The following USH2A variants were observed in gnomAD, a reference collection of about 807,000 sequenced individuals.
The protein encoded by USH2A is Usher syndrome 2A (autosomal recessive, mild).
In USH2A, 443 loss-of-function variants were observed where a neutral mutation model predicts 538.9. The observed-to-expected ratio is 0.82, with a 90% CI of 0.76 to 0.89. USH2A has a LOEUF of 0.89. Ranked by LOEUF, USH2A falls within the 40% of genes least tolerant of loss-of-function variation. The pLI is 0.00. For synonymous variants in USH2A, 2,413 were observed against 2,273.5 expected (o/e 1.06, Z -1.75); for missense variants, 6,633 against 6,324.8 (o/e 1.05, Z -1.65).
At chr1:216,152,064 G>C (rs1201326052) in intron 21 of USH2A, among the ~76,000 whole-genome samples, 2 of 151,942 alleles carry the variant, frequency 1.3e-5, no homozygotes, top group South Asian at 4.2e-4. Flanking sequence ...TCCCACTCTA[G>C]GTTCCCACGC....
At chr1:216,128,603 A>T (rs944278609) in intron 21 of USH2A, among the ~76,000 whole-genome samples, 41 of 151,940 alleles carry the variant, frequency 2.7e-4, no homozygotes, top group Admixed American at 8.5e-4. Flanking sequence ...AAATTGTAAA[A>T]TTTTTAATTT....
At chr1:216,289,524 G>T in intron 10 of USH2A, 114 bp from the exon 11 acceptor site, 1 of 1,386,196 alleles carries the variant, frequency 7.2e-7, no homozygotes, top group African/African-American at 1.4e-5. Context: ...CGGAACGTCC[G>T]TTTTAATGCA....
chr1:215,862,954 AT>A (rs1327522071), intron 44 of USH2A, among the ~76,000 whole-genome samples: 8 of 152,296 alleles, frequency 5.3e-5, no homozygotes, highest in African/African-American at 1.9e-4. Flanking sequence ...CATTTTTGTA[AT>A]TAGAAGAATT....
intron 49 of USH2A, among the ~76,000 whole-genome samples, chr1:215,810,526 T>C (rs1225352070): frequency 5.9e-5 from 9 of 152,130 alleles, no homozygotes; most frequent in Admixed American, 5.9e-4. Context: ...AATCATAACA[T>C]AAAAATTTTA....
At chr1:216,314,204 A>G (rs934097790) in intron 9 of USH2A, among the ~76,000 whole-genome samples, 1 of 152,064 alleles carries the variant, frequency 6.6e-6, no homozygotes, top group African/African-American at 2.4e-5. Flanking sequence ...ATTTATCTCC[A>G]TGCTCATAAC....
At chr1:216,017,404 A>G (rs1459283076) in intron 32 of USH2A, among the ~76,000 whole-genome samples, 1 of 152,228 alleles carries the variant, frequency 6.6e-6, no homozygotes, top group Non-Finnish European at 1.5e-5. Flanking sequence ...ATAACTTTAT[A>G]GAGTTATTAT....
At chr1:215,952,010 G>A (rs1472750294) in intron 37 of USH2A, among the ~76,000 whole-genome samples, 2 of 150,938 alleles carry the variant, frequency 1.3e-5, no homozygotes, top group African/African-American at 4.9e-5. Context: ...GACTACAGGC[G>A]CCCGCCACCG....
intron 46 of USH2A, among the ~76,000 whole-genome samples, chr1:215,838,832 T>C (rs538186891): frequency 7.2e-5 from 11 of 152,190 alleles, no homozygotes; most frequent in South Asian, 2.1e-4. Flanking sequence ...AGCGATATCA[T>C]TCTGCTCTCA....
At chr1:215,999,340 T>C (rs542091724) in intron 33 of USH2A, among the ~76,000 whole-genome samples, 1 of 152,248 alleles carries the variant, frequency 6.6e-6, no homozygotes, top group South Asian at 2.1e-4. Flanking sequence ...ATTTAAGCTG[T>C]AGAACAAAAA....
intron 38 of USH2A, among the ~76,000 whole-genome samples, chr1:215,912,183 T>A (rs1404728510): frequency 6.6e-6 from 1 of 152,000 alleles, no homozygotes; most frequent in Non-Finnish European, 1.5e-5. Context: ...TCCTTTGCTG[T>A]ACAGAAGATT....
At chr1:216,341,176 T>A (rs1179746320) in intron 4 of USH2A, among the ~76,000 whole-genome samples, 3 of 152,006 alleles carry the variant, frequency 2.0e-5, no homozygotes, top group African/African-American at 7.2e-5. Flanking sequence ...TGTGCAAAGA[T>A]CACAAGCATT....
chr1:216,082,554 T>G (rs568974707), intron 26 of USH2A, among the ~76,000 whole-genome samples: 107 of 151,862 alleles, frequency 7.0e-4, no homozygotes, highest in Non-Finnish European at 1.1e-3. Context: ...AATCTAAGGG[T>G]AAGATGTTCA....
intron 35 of USH2A, among the ~76,000 whole-genome samples, chr1:215,984,240 A>AT (rs1250876548): frequency 6.6e-6 from 1 of 152,214 alleles, no homozygotes; most frequent in Non-Finnish European, 1.5e-5. Context: ...ACCATATTGT[A>AT]TTTTTTCAGG....
intron 4 of USH2A, among the ~76,000 whole-genome samples, chr1:216,349,641 G>A (rs1020801177): frequency 3.3e-5 from 5 of 152,100 alleles, no homozygotes; most frequent in African/African-American, 7.2e-5. Flanking sequence ...GGAAGTTACC[G>A]TATATGGCCT....
intron 9 of USH2A, among the ~76,000 whole-genome samples, chr1:216,296,801 T>C (rs564696743): frequency 1.3e-5 from 2 of 152,064 alleles, no homozygotes; most frequent in South Asian, 2.1e-4. Flanking sequence ...AGTGGGGAAA[T>C]TGACCTCTTT....
chr1:216,173,383 A>G (rs2034309505), intron 21 of USH2A, among the ~76,000 whole-genome samples: 1 of 152,182 alleles, frequency 6.6e-6, no homozygotes. Flanking sequence ...ATGTCCCAGA[A>G]CATGCCTGAA....
chr1:215,652,502 G>C (rs1019299612), intron 64 of USH2A, among the ~76,000 whole-genome samples: 3 of 152,184 alleles, frequency 2.0e-5, no homozygotes, highest in African/African-American at 7.2e-5. Context: ...AGCTAGCAAT[G>C]GGAGAGCCAG....
chr1:216,019,010 A>C (rs1252648340), intron 32 of USH2A, among the ~76,000 whole-genome samples: 1 of 152,154 alleles, frequency 6.6e-6, no homozygotes, highest in Non-Finnish European at 1.5e-5. Context: ...GCTATAAAGT[A>C]TTTTGTTCTA....
At chr1:215,770,942 TAAAAAAAAAAA>T (rs59409812) in intron 55 of USH2A, among the ~76,000 whole-genome samples, 1 of 65,870 alleles carries the variant, frequency 1.5e-5, no homozygotes, top group Non-Finnish European at 2.9e-5. Flanking sequence ...CCGTCTCTAC[TAAAAAAAAAAA>T]AAAAAAAAAA....
Sources: gnomAD v4.1 joint callset for allele counts (sites outside exome capture counted in the v4.1 genomes callset) on GRCh38, gnomAD v4.1.1 for gene constraint, MANE v1.5 for transcripts, NCBI Gene and HGNC (gene_info 2026-07-23, HGNC 2026-07-21) for gene names.